The following CPD variants were observed in gnomAD, a reference collection of about 807,000 sequenced individuals.
CPD encodes metallocarboxypeptidase D.
In CPD, 69 loss-of-function variants were observed where a neutral mutation model predicts 138.3. The ratio of observed to expected loss-of-function variants is 0.50; its 90% CI spans 0.41 to 0.61. The LOEUF is 0.61. Ranked by LOEUF, CPD falls within the 20% of genes least tolerant of loss-of-function variation. The pLI is 0.00. For synonymous variants in CPD, 651 were observed against 642.1 expected (o/e 1.01, Z -0.21); for missense variants, 1,432 against 1,733.3 (o/e 0.83, Z 3.09).
intron 2 of CPD, among the ~76,000 whole-genome samples, chr17:30,417,121 G>A (rs922509707): frequency 2.0e-5 from 3 of 151,244 alleles, no homozygotes; most frequent in Non-Finnish European, 4.4e-5. Flanking sequence ...AAAAAATTCT[G>A]CATAGCACTT....
intron 17 of CPD, among the ~76,000 whole-genome samples, chr17:30,459,146 C>CT (rs34756707): frequency 0.08 from 5,187 of 64,830 alleles, 437 homozygotes; most frequent in African/African-American, 0.22. Flanking sequence ...GCCAGTATCA[C>CT]TTTTTTTTTT....
At chr17:30,414,799 A>G (rs1912063260) in intron 2 of CPD, among the ~76,000 whole-genome samples, 1 of 152,212 alleles carries the variant, frequency 6.6e-6, no homozygotes. Flanking sequence ...AGTGCCATTA[A>G]CTGCAGTGGG....
chr17:30,379,294 C>T lies in CPD; in HGVS notation c.314C>T (p.Ser105Leu), dbSNP rs1017712684. The T allele has an allele frequency of 2.7e-6, 4 of 1,507,042 alleles. No homozygotes were observed. The highest frequency in any genetic ancestry group is 2.9e-5 in the African/African-American group (2 of 68,922). The allele number at this position is 1,507,042 out of a possible 1,614,324, so 93.4% of individuals were successfully genotyped here. A position where few individuals can be genotyped will look rare whatever the true frequency, so the allele number is the denominator to read the frequency against. The change falls in exon 1 of 21, where the codon TCG becomes TTG. Residue 105 changes from serine to leucine, a missense_variant. By Grantham distance (145) the Ser-to-Leu change is moderately radical (BLOSUM62 -2). This residue lies in a region of CPD where 484 missense variants were observed against 477.2 expected (regional missense o/e 1.01). Coordinates refer to ENST00000225719, the MANE Select transcript of CPD (RefSeq NM_001304.5). This position sits in a 1 kb window ranked among gnomAD's most constrained non-coding sequence, Gnocchi z 7.0. ...WVLRLTAGLG[S>L]LIPEGDAGPD... Reference sequence around the variant, plus strand: ...CTTCGCCTCACCGCCGGCCTGGGGTCGCTAATCCCTGAGGGCGACGCGGGG... The same window carrying T: ...CTTCGCCTCACCGCCGGCCTGGGGTTGCTAATCCCTGAGGGCGACGCGGGG...
chr17:30,420,494 A>C (rs1912237208), intron 2 of CPD, among the ~76,000 whole-genome samples: 2 of 152,238 alleles, frequency 1.3e-5, no homozygotes, highest in Admixed American at 1.3e-4. Context: ...GTAAAGATTA[A>C]ATGCTAATAC....
At chr17:30,408,557 C>T (rs1911866808) in intron 2 of CPD, among the ~76,000 whole-genome samples, 1 of 152,070 alleles carries the variant, frequency 6.6e-6, no homozygotes, top group African/African-American at 2.4e-5. Flanking sequence ...GTATTTTATT[C>T]TCTTTGTAGC....
Position 30,421,738 on chromosome 17 carries a change from G to A in CPD, c.1212G>A (p.Val404=), listed in dbSNP as rs765516233. Residue 404 remains valine (V), a synonymous_variant, in exon 4 of 21, where the codon GTG becomes GTA. Transcript: ENST00000225719. ...GGTTAGAGAATGCAACCATCTCAGT[G>A]GCTGGTATTAATCATAATATCACAA... ...GSGLENATIS[V]AGINHNITTG... The A allele has an allele frequency of 6.2e-7, 1 of 1,613,254 alleles. No homozygotes were observed. The highest frequency in any genetic ancestry group is 2.2e-5 in the East Asian group (1 of 44,836).
intron 1 of CPD, among the ~76,000 whole-genome samples, chr17:30,384,693 T>C (rs1911133867): frequency 6.6e-6 from 1 of 152,232 alleles, no homozygotes; most frequent in Admixed American, 6.5e-5. Flanking sequence ...CCTGAAATAT[T>C]AATTTATACT....
At chr17:30,395,978 A>G (rs1284875178) in intron 2 of CPD, among the ~76,000 whole-genome samples, 1 of 152,092 alleles carries the variant, frequency 6.6e-6, no homozygotes, top group African/African-American at 2.4e-5. Flanking sequence ...AAAATTAGGA[A>G]TTTGGGGAAT....
At chr17:30,438,771 A>G (rs1045889639) in intron 8 of CPD, among the ~76,000 whole-genome samples, 14 of 152,176 alleles carry the variant, frequency 9.2e-5, no homozygotes, top group African/African-American at 2.9e-4. Flanking sequence ...TTAAAAATAG[A>G]TAAGTTCAGA....
chr17:30,444,101 T>C, intron 11 of CPD, 130 bp downstream of exon 11: 1 of 827,264 alleles, frequency 1.2e-6, no homozygotes, highest in Non-Finnish European at 1.8e-6. Flanking sequence ...AGTTTAGGGC[T>C]GGTTATACCT....
At chr17:30,402,186 T>C (rs752330182) in intron 2 of CPD, among the ~76,000 whole-genome samples, 11 of 152,200 alleles carry the variant, frequency 7.2e-5, no homozygotes, top group Non-Finnish European at 1.5e-4. Flanking sequence ...ATTTAGTTAC[T>C]GTATTTTTCT....
At position 30,455,372 on chromosome 17, in the gene CPD, T is replaced by C. The variant is rs1444496693; in HGVS notation, c.3239T>C (p.Ile1080Thr). ...TCCCAACCTGAGACCAAAGCCATCA[T>C]TGAAAATTTGATTCAAAAACAGGAC... The part of the protein sequence containing the change: ...NASQPETKAI[I>T]ENLIQKQDFS... The change falls in exon 15 of 21, where the codon ATT becomes ACT. Residue 1080 changes from isoleucine to threonine, a missense_variant. This residue lies in a region of CPD where 366 missense variants were observed against 518.8 expected (regional missense o/e 0.71). Coordinates refer to ENST00000225719, the MANE Select transcript of CPD (RefSeq NM_001304.5). 1.5e-5 allele frequency: 24 copies of C among 1,613,564 alleles called. No homozygotes were observed. The highest frequency in any genetic ancestry group is 2.7e-5 in the African/African-American group (2 of 75,030).
chr17:30,382,000 G>C (rs1442640670), intron 1 of CPD, among the ~76,000 whole-genome samples: 3 of 152,124 alleles, frequency 2.0e-5, no homozygotes, highest in Non-Finnish European at 4.4e-5. Context: ...TTCAAATGAA[G>C]ATTTTATAGT....
chr17:30,381,217 T>G (rs1179001753), intron 1 of CPD, among the ~76,000 whole-genome samples: 1 of 152,188 alleles, frequency 6.6e-6, no homozygotes, highest in African/African-American at 2.4e-5. Context: ...GACTTTGACA[T>G]ACACTTATTG....
At chr17:30,398,683 T>A (rs1217130753) in intron 2 of CPD, among the ~76,000 whole-genome samples, 1 of 152,082 alleles carries the variant, frequency 6.6e-6, no homozygotes, top group Non-Finnish European at 1.5e-5. Context: ...TCTTTGACAT[T>A]TGGTTTCAGA....
intron 18 of CPD, 28 bp from the exon 19 acceptor site, chr17:30,461,849 T>C: frequency 6.4e-7 from 1 of 1,556,578 alleles, no homozygotes; most frequent in Non-Finnish European, 8.7e-7. Flanking sequence ...TATGACAACA[T>C]AAATTTATAT....
chr17:30,442,999 G>A (rs1468331902), intron 10 of CPD, among the ~76,000 whole-genome samples: 1 of 119,008 alleles, frequency 8.4e-6, no homozygotes, highest in African/African-American at 3.4e-5. Flanking sequence ...GTGACATAAA[G>A]TCTGTGAGTT....
intron 7 of CPD, among the ~76,000 whole-genome samples, chr17:30,428,855 G>A (rs559299382): frequency 6.7e-6 from 1 of 149,864 alleles, no homozygotes; most frequent in African/African-American, 2.5e-5. Flanking sequence ...GAATTGCATG[G>A]TATTTGAATT....
At chr17:30,448,105 T>C (rs1199593122) in intron 12 of CPD, among the ~76,000 whole-genome samples, 1 of 152,254 alleles carries the variant, frequency 6.6e-6, no homozygotes, top group Non-Finnish European at 1.5e-5. Flanking sequence ...CAATACCAAT[T>C]ACTTTTCTTC....
Sources: allele counts gnomAD v4.1 joint callset (sites outside exome capture counted in the v4.1 genomes callset), GRCh38; gene constraint gnomAD v4.1.1; regional missense constraint gnomAD v4.1.1; non-coding constraint Gnocchi (gnomAD v3.1); transcripts MANE v1.5; gene names NCBI Gene and HGNC (gene_info 2026-07-23, HGNC 2026-07-21).